PLXNC1: variants seen among roughly 807,000 people sequenced by gnomAD.
PLXNC1 encodes plexin C1.
In PLXNC1, 75 loss-of-function variants were observed where a neutral mutation model predicts 178.2. That is an observed-to-expected ratio of 0.42 (90% CI 0.35 to 0.51). The LOEUF is 0.51. Ranked by LOEUF, PLXNC1 falls within the 20% of genes least tolerant of loss-of-function variation. PLXNC1 has a pLI of 0.02. For synonymous variants in PLXNC1, 790 were observed against 779.9 expected, an observed-to-expected ratio of 1.01 and a Z score of -0.22; for missense variants, 1,503 against 1,984.4, an observed-to-expected ratio of 0.76 and a Z score of 4.61.
At chr12:94,215,654 G>A (rs1400034756) in intron 5 of PLXNC1, among the ~76,000 whole-genome samples, 1 of 152,004 alleles carries the variant, frequency 6.6e-6, no homozygotes, top group Non-Finnish European at 1.5e-5. Context: ...ATAGAATATA[G>A]TGGAAAGCTC....
At position 94,291,615 on chromosome 12, in the gene PLXNC1, C is replaced by T. The variant is rs1267823249; in HGVS notation, c.3880-2871C>T. Reference sequence around the variant, plus strand: ...TAGGTATACTTATAGAATTGAGCAACCATTGCCACAATCTAATTTTAGAAC... The same window carrying T: ...TAGGTATACTTATAGAATTGAGCAATCATTGCCACAATCTAATTTTAGAAC... On this transcript the variant is annotated intron_variant, in intron 23 of 30. Transcript: ENST00000258526. 3.3e-5 allele frequency among the ~76,000 whole-genome samples: 5 copies of T among 152,134 alleles called. No individual in the cohort carries two copies. In the East Asian group the frequency reaches 9.6e-4, roughly 29 times the overall value.
chr12:94,203,214 C>A (rs1452553561), intron 4 of PLXNC1, among the ~76,000 whole-genome samples: 1 of 152,130 alleles, frequency 6.6e-6, no homozygotes, highest in Non-Finnish European at 1.5e-5. Flanking sequence ...TAAACCAGAC[C>A]AGGTAGTGGT....
In PLXNC1 at chr12:94,218,976, A is replaced by G. The variant is rs7969106; in HGVS notation, c.1555-1040A>G. ...AGATCAAAGAGAAACAGATGAAAAAAGTCATGTGTTTGGATGGGAATAATT... is the reference window on the plus strand; with the variant it reads ...AGATCAAAGAGAAACAGATGAAAAAGGTCATGTGTTTGGATGGGAATAATT... On this transcript the variant is annotated intron_variant, in intron 5 of 30. Coordinates refer to ENST00000258526, the MANE Select transcript of PLXNC1 (RefSeq NM_005761.3). Among the ~76,000 whole-genome samples, 13 of 152,230 alleles carry G rather than the reference A, an allele frequency of 8.5e-5. No individual in the cohort carries two copies. In the South Asian group the frequency reaches 2.5e-3, roughly 29 times the overall value.
At chr12:94,247,476 T>C (rs1964559838) in intron 12 of PLXNC1, among the ~76,000 whole-genome samples, 2 of 152,106 alleles carry the variant, frequency 1.3e-5, no homozygotes, top group Non-Finnish European at 2.9e-5. Context: ...GTTGGACACT[T>C]TTCTTTTCTC....
At chr12:94,226,161 C>T (rs1454561894) in intron 7 of PLXNC1, among the ~76,000 whole-genome samples, 1 of 152,226 alleles carries the variant, frequency 6.6e-6, no homozygotes, top group African/African-American at 2.4e-5. Flanking sequence ...GTTGCCTCTG[C>T]TTGCCAGCTA....
At chr12:94,152,191 T>G (rs1960986925) in intron 1 of PLXNC1, among the ~76,000 whole-genome samples, 1 of 152,182 alleles carries the variant, frequency 6.6e-6, no homozygotes, top group Non-Finnish European at 1.5e-5. Flanking sequence ...GCTTTGCATT[T>G]TTTTTTCATT....
chr12:94,208,206 A>G (rs1403288976), intron 4 of PLXNC1, among the ~76,000 whole-genome samples: 1 of 152,238 alleles, frequency 6.6e-6, no homozygotes, highest in Admixed American at 6.5e-5. Flanking sequence ...CCCCATGGTT[A>G]TAATGTTGGA....
intron 21 of PLXNC1, among the ~76,000 whole-genome samples, chr12:94,268,117 AG>A (rs1404254391): frequency 1.3e-5 from 2 of 152,210 alleles, no homozygotes; most frequent in African/African-American, 4.8e-5. Context: ...TTTGGAAAAA[AG>A]GCCCCCACAC....
intron 5 of PLXNC1, among the ~76,000 whole-genome samples, chr12:94,215,231 T>G (rs1963609717): frequency 2.0e-5 from 3 of 152,102 alleles, no homozygotes; most frequent in Admixed American, 2.0e-4. Context: ...TAGCAAAACC[T>G]TATTAATTAA....
chr12:94,169,357 C>CG (rs1961754189), intron 2 of PLXNC1, 64 bp downstream of exon 2: 2 of 1,239,118 alleles, frequency 1.6e-6, no homozygotes, highest in Non-Finnish European at 1.1e-6. Context: ...TTTAAAAAAA[C>CG]ATTTTTTTAA....
In PLXNC1 at chr12:94,148,899, G is replaced by T. The variant is rs1032556823; in HGVS notation, c.-73G>T. The T allele has an allele frequency of 3.1e-5, 12 of 384,010 alleles. No individual in the cohort carries two copies. The Admixed American group carries it at 6.7e-4, about 22-fold the overall frequency. The allele number at this position is 384,010 out of a possible 1,614,324, so 23.8% of individuals were successfully genotyped here. A position where few individuals can be genotyped will look rare whatever the true frequency, so the allele number is the denominator to read the frequency against. On this transcript the variant is annotated 5_prime_UTR_variant, in exon 1 of 31. Transcript: ENST00000258526. The surrounding 1 kb of genome is among the most constrained non-coding windows in gnomAD (Gnocchi z 4.8). ...GCAGGAACCGCCGCCGCCGCCGCCC[G>T]CGTCTCCGTTGCCGCGCGCCTGAGC...
At chr12:94,242,621 C>T (rs764442390) in intron 11 of PLXNC1, among the ~76,000 whole-genome samples, 1 of 151,998 alleles carries the variant, frequency 6.6e-6, no homozygotes, top group African/African-American at 2.4e-5. Flanking sequence ...TTTGGGGACA[C>T]AGTTCAGTCC....
At chr12:94,262,020 T>A (rs1331729618) in intron 20 of PLXNC1, among the ~76,000 whole-genome samples, 2 of 152,216 alleles carry the variant, frequency 1.3e-5, no homozygotes, top group Non-Finnish European at 2.9e-5. Flanking sequence ...CTGGGACGAA[T>A]ATTTTTTTGT....
chr12:94,287,395 AG>A (rs35372983), intron 23 of PLXNC1, among the ~76,000 whole-genome samples: 1 of 152,194 alleles, frequency 6.6e-6, no homozygotes, highest in Non-Finnish European at 1.5e-5. Context: ...CTCGTCCCCT[AG>A]GACTGTGGCA....
intron 20 of PLXNC1, chr12:94,262,853 C>T: frequency 1.1e-6 from 1 of 875,728 alleles, no homozygotes; most frequent in Non-Finnish European, 1.4e-6. Flanking sequence ...AAGAGCTTTA[C>T]CTATCTTTTC....
chr12:94,158,506 A>T (rs769138320), intron 1 of PLXNC1, among the ~76,000 whole-genome samples: 26 of 152,368 alleles, frequency 1.7e-4, no homozygotes, highest in Non-Finnish European at 3.8e-4. Flanking sequence ...TTAGAAAATT[A>T]TCATTAGGCA....
intron 4 of PLXNC1, among the ~76,000 whole-genome samples, chr12:94,187,174 A>G (rs1312039029): frequency 5.7e-5 from 6 of 105,802 alleles, no homozygotes; most frequent in Non-Finnish European, 8.6e-5. Context: ...TCAGGCAGGA[A>G]AGAGAGAGAG....
At chr12:94,284,794 C>G (rs1966726502) in intron 23 of PLXNC1, among the ~76,000 whole-genome samples, 1 of 152,100 alleles carries the variant, frequency 6.6e-6, no homozygotes, top group Non-Finnish European at 1.5e-5. Context: ...GCAGATCACA[C>G]AGATGGGGGC....
chr12:94,307,464 C>CAA lies in PLXNC1; in HGVS notation c.*2180_*2181dup, dbSNP rs1969169272. ...ACAAATGGCAAACAATTTCTATTTT[C>CAA]AAGTTTCTTTGCATATTTTTTTGGT... On this transcript the variant is annotated 3_prime_UTR_variant, in exon 31 of 31. Transcript: ENST00000258526. The CAA allele has an allele frequency of 6.6e-6, 1 of 152,156 alleles. No homozygotes were observed. Among genetic ancestry groups the CAA allele is most frequent in the African/African-American group, 2.4e-5 (1 of 41,448 alleles). 9.4% of individuals were successfully genotyped at this position (152,156 alleles called of 1,614,324 possible).
Sources: allele counts gnomAD v4.1 joint callset (sites outside exome capture counted in the v4.1 genomes callset), GRCh38; gene constraint gnomAD v4.1.1; non-coding constraint Gnocchi (gnomAD v3.1); transcripts MANE v1.5; gene names NCBI Gene and HGNC (gene_info 2026-07-23, HGNC 2026-07-21).